Variants in ARAP2 observed in about 807,000 individuals in gnomAD.
ARAP2 encodes the protein arf-GAP with Rho-GAP domain, ANK repeat and PH domain-containing protein 2.
ARAP2 carries 148 observed loss-of-function variants against 194.5 expected under a neutral mutation model. That is an observed-to-expected ratio of 0.76 (90% CI 0.67 to 0.87). The LOEUF (loss-of-function observed/expected upper bound fraction) is 0.87, where lower values mean the gene tolerates loss of function less well. Among genes scored for constraint, ARAP2 ranks in the 40% least tolerant of loss-of-function variants. ARAP2 has a pLI of 0.00. For synonymous variants in ARAP2, 695 were observed against 683.5 expected, an observed-to-expected ratio of 1.02 and a Z score of -0.26; for missense variants, 2,128 against 1,989.7, an observed-to-expected ratio of 1.07 and a Z score of -1.32.
At position 36,161,513 on chromosome 4, in the gene ARAP2, A is replaced by G. The variant is rs142916063; in HGVS notation, c.2211T>C (p.Val737=). ...TGCTAGCATCCATTTTTAGACTTCTAACCTTGGAATCTTTTGGTCCTAAAG... is the reference window on the plus strand; with the variant it reads ...TGCTAGCATCCATTTTTAGACTTCTGACCTTGGAATCTTTTGGTCCTAAAG... The part of the protein sequence containing the change: ...HRSLGPKDSK[V]RSLKMDASIW... Residue 737 remains valine, a synonymous_variant, in exon 12 of 33, where the codon GTT becomes GTC. Transcript: ENST00000303965. 28 of 1,613,962 alleles carry G rather than the reference A, an allele frequency of 1.7e-5. No homozygotes were observed. In the African/African-American group the frequency reaches 3.1e-4, roughly 18 times the overall value.
intron 29 of ARAP2, among the ~76,000 whole-genome samples, 168 bp downstream of exon 29, chr4:36,083,200 G>C (rs778640277): frequency 5.9e-5 from 9 of 152,080 alleles, no homozygotes; most frequent in Middle Eastern, 3.4e-3. Flanking sequence ...ACTCATACAA[G>C]TTCCTTGATC....
chr4:36,112,164 A>C (rs1306681116), intron 26 of ARAP2, among the ~76,000 whole-genome samples: 1 of 151,900 alleles, frequency 6.6e-6, no homozygotes, highest in Non-Finnish European at 1.5e-5. Flanking sequence ...TTTTTGCCCC[A>C]CTTCAGTTGA....
chr4:36,159,288 A>G (rs372599262), intron 14 of ARAP2, 43 bp downstream of exon 14: 1 of 1,421,784 alleles, frequency 7.0e-7, no homozygotes. Flanking sequence ...CCTTTTACGG[A>G]TCTATCAGAA....
At chr4:36,152,574 A>G (rs566923649) in intron 15 of ARAP2, among the ~76,000 whole-genome samples, 8 of 152,270 alleles carry the variant, frequency 5.3e-5, no homozygotes, top group South Asian at 2.1e-4. Flanking sequence ...TTATAATCCA[A>G]TGAAAGGGGA....
chr4:36,104,823 C>T (rs1285555969), intron 27 of ARAP2, among the ~76,000 whole-genome samples: 2 of 151,820 alleles, frequency 1.3e-5, no homozygotes, highest in Non-Finnish European at 2.9e-5. Flanking sequence ...TATTTTTGAC[C>T]AGACTACATA....
intron 13 of ARAP2, chr4:36,160,066 C>A (rs116766881): frequency 0.015 from 14,325 of 981,600 alleles, 134 homozygotes; most frequent in Middle Eastern, 0.022. Flanking sequence ...TATATATCAT[C>A]TTTGTACAAA....
At chr4:36,142,386 C>T (rs1165535597) in intron 19 of ARAP2, among the ~76,000 whole-genome samples, 8 of 151,492 alleles carry the variant, frequency 5.3e-5, no homozygotes, top group African/African-American at 1.7e-4. Flanking sequence ...CACATATATG[C>T]CCTTTCTGGG....
chr4:36,124,713 G>A, intron 22 of ARAP2, 149 bp downstream of exon 22: 2 of 490,596 alleles, frequency 4.1e-6, no homozygotes, highest in Non-Finnish European at 7.3e-6. Context: ...AATTCCCAGT[G>A]CTATTTATCT....
chr4:36,102,364 T>C (rs991338833), intron 27 of ARAP2, among the ~76,000 whole-genome samples: 1 of 152,056 alleles, frequency 6.6e-6, no homozygotes, highest in African/African-American at 2.4e-5. Context: ...TGATGATATA[T>C]ACTCTGGAAA....
chr4:36,121,138 A>T, intron 23 of ARAP2, 41 bp downstream of exon 23: 1 of 1,484,526 alleles, frequency 6.7e-7, no homozygotes, highest in South Asian at 1.3e-5. Flanking sequence ...AAACAGTGAC[A>T]TTATAACCAT....
intron 27 of ARAP2, among the ~76,000 whole-genome samples, chr4:36,100,386 C>T (rs988883059): frequency 2.6e-5 from 4 of 152,026 alleles, no homozygotes; most frequent in Admixed American, 6.6e-5. Flanking sequence ...TTCTTCAGAG[C>T]TGTGCCTTAT....
intron 6 of ARAP2, among the ~76,000 whole-genome samples, chr4:36,201,532 A>G (rs902025035): frequency 2.0e-5 from 3 of 152,144 alleles, no homozygotes; most frequent in African/African-American, 7.2e-5. Flanking sequence ...CTTTTTTCGA[A>G]TAATTTATTA....
chr4:36,133,342 T>C lies in ARAP2; in HGVS notation c.3311A>G (p.His1104Arg), dbSNP rs1394039351. Reference sequence around the variant, plus strand: ...ACCTGCTGCTTTTTCAATTGCAGTATGCCAGACTGTGAAATCCAACTTGGT... The same window carrying C: ...ACCTGCTGCTTTTTCAATTGCAGTACGCCAGACTGTGAAATCCAACTTGGT... ...GHTKLDFTVW[H>R]TAIEKAAGTD... The change falls in exon 20 of 33, where the codon CAT becomes CGT. Residue 1104 changes from histidine to arginine, a missense_variant. His to Arg is a conservative substitution (Grantham distance 29, BLOSUM62 0). Coordinates refer to ENST00000303965, the MANE Select transcript of ARAP2 (RefSeq NM_015230.4). The C allele has an allele frequency of 5.0e-6, 8 of 1,611,236 alleles. No homozygotes were observed. The highest frequency in any genetic ancestry group is 6.8e-6 in the Non-Finnish European group (8 of 1,178,162).
chr4:36,086,802 A>G (rs1032318419), intron 28 of ARAP2, among the ~76,000 whole-genome samples: 15 of 152,010 alleles, frequency 9.9e-5, no homozygotes, highest in Non-Finnish European at 4.4e-5. Context: ...CCCTTTACCC[A>G]TTTGCTTTCT....
intron 28 of ARAP2, among the ~76,000 whole-genome samples, chr4:36,089,384 A>G (rs1712896464): frequency 6.6e-6 from 1 of 152,124 alleles, no homozygotes; most frequent in Non-Finnish European, 1.5e-5. Context: ...TCCAGTTATC[A>G]GCTTTTATGA....
intron 8 of ARAP2, among the ~76,000 whole-genome samples, chr4:36,186,020 T>C (rs1478561140): frequency 6.6e-6 from 1 of 151,946 alleles, no homozygotes; most frequent in East Asian, 1.9e-4. Context: ...ACCAACCTTA[T>C]GAGACTGTTG....
chr4:36,149,898 T>C (rs1730552583), intron 16 of ARAP2, among the ~76,000 whole-genome samples: 1 of 152,182 alleles, frequency 6.6e-6, no homozygotes, highest in African/African-American at 2.4e-5. Flanking sequence ...TCCTTTCTCA[T>C]ATAAAAATCT....
chr4:36,199,536 C>A (rs533099077), intron 6 of ARAP2, among the ~76,000 whole-genome samples: 2 of 152,106 alleles, frequency 1.3e-5, no homozygotes, highest in African/African-American at 4.8e-5. Context: ...ATGATCTGCC[C>A]GCCTGGACCT....
chr4:36,212,288 A>G (rs559666033), intron 5 of ARAP2, 108 bp downstream of exon 5: 3 of 897,888 alleles, frequency 3.3e-6, no homozygotes, highest in African/African-American at 3.4e-5. Flanking sequence ...TGAACTTATC[A>G]CCATAAACTA....
Sources: gnomAD v4.1 joint callset for allele counts (sites outside exome capture counted in the v4.1 genomes callset) on GRCh38, gnomAD v4.1.1 for gene constraint, MANE v1.5 for transcripts, NCBI Gene and HGNC (gene_info 2026-07-23, HGNC 2026-07-21) for gene names.